The following ABCD3 variants were observed in gnomAD, a reference collection of about 807,000 sequenced individuals.
ABCD3 encodes ATP binding cassette subfamily D member 3.
ABCD3 carries 41 observed loss-of-function variants against 105.5 expected under a neutral mutation model. The observed-to-expected ratio is 0.39, with a 90% CI of 0.30 to 0.50. The LOEUF is 0.50. ABCD3 is among the 20% of genes least tolerant of loss of function. ABCD3 has a pLI of 0.84. For synonymous variants in ABCD3, 258 were observed against 269.0 expected (o/e 0.96, Z 0.40); for missense variants, 622 against 806.3 (o/e 0.77, Z 2.77).
At chr1:94,389,459 C>T in the ABCD3 span, among the ~76,000 whole-genome samples, 8 of 152,214 alleles carry the variant, frequency 5.3e-5, no homozygotes, top group African/African-American at 1.4e-4. Flanking sequence ...ATAGCATGAG[C>T]GATCTGTGCC....
chr1:94,385,442 C>T, the ABCD3 span, among the ~76,000 whole-genome samples: 1 of 152,154 alleles, frequency 6.6e-6, no homozygotes, highest in African/African-American at 2.4e-5. Flanking sequence ...AGAGAACACA[C>T]TTGATGTGGA....
intron 9 of ABCD3, 28 bp downstream of exon 9, chr1:94,480,634 T>TA (rs1313196188): frequency 6.2e-7 from 1 of 1,612,424 alleles, no homozygotes; most frequent in Non-Finnish European, 8.5e-7. Context: ...AAAGCCTTGC[T>TA]AAAAATTAAT....
the ABCD3 span, among the ~76,000 whole-genome samples, chr1:94,408,915 A>G: frequency 6.6e-6 from 1 of 152,206 alleles, no homozygotes; most frequent in Non-Finnish European, 1.5e-5. Context: ...AAACTGCAAT[A>G]AGACCCTGAT....
chr1:94,402,960 C>A, the ABCD3 span, among the ~76,000 whole-genome samples: 1 of 125,564 alleles, frequency 8.0e-6, no homozygotes, highest in East Asian at 2.8e-4. Context: ...CCCCTCCCCC[C>A]ACCCCACAAC....
In ABCD3 at chr1:94,487,761, T is replaced by C; in HGVS notation, c.1035T>C (p.His345=). ...RPFLDLSHPR[H]LKSTHSELLE... is the part of the protein sequence containing the mutation. ...TCTTAGATTTGTCTCATCCTCGACA[T>C]CTCAAGAGTACACATTCGGAACTTC... The change falls in exon 12 of 23, where the codon CAT becomes CAC. Residue 345 remains histidine, a synonymous_variant. Coordinates refer to ENST00000370214, the MANE Select transcript of ABCD3 (RefSeq NM_002858.4). 2 of 1,614,020 alleles carry C rather than the reference T, an allele frequency of 1.2e-6. No homozygotes were observed. The highest frequency in any genetic ancestry group is 1.1e-5 in the South Asian group (1 of 91,080).
rs751182032 is a variant in ABCD3 at position 94,498,953 on chromosome 1, C to T, written c.1539C>T (p.Tyr513=). ...GKLFYVPQRP[Y]MTLGTLRDQV... is the part of the protein sequence containing the mutation. ...TGCTCTACTACTGTCAGAGACCTTA[C>T]ATGACCCTTGGAACACTTCGAGATC... The change falls in exon 19 of 23, where the codon TAC becomes TAT. Residue 513 remains tyrosine, a synonymous_variant. Transcript: ENST00000370214. The T allele has an allele frequency of 6.2e-7, 1 of 1,613,904 alleles. No individual in the cohort carries two copies. The highest frequency in any genetic ancestry group is 1.7e-5 in the Admixed American group (1 of 59,990).
chr1:94,503,393 T>C lies in ABCD3; in HGVS notation c.1741-3145T>C, dbSNP rs151332446. Among the ~76,000 whole-genome samples, 1,382 of 152,284 alleles carry C rather than the reference T, an allele frequency of 9.1e-3. 19 individuals are homozygous for C. Among genetic ancestry groups the C allele is most frequent in the African/African-American group, 0.032 (1,310 of 41,556 alleles). On this transcript the variant is annotated intron_variant, in intron 20 of 22. Transcript: ENST00000370214. ...TCTGTCCTGACCTCCCTACTTCCGC[T>C]GTCTTGGAGGATATGTCATCCTTCT...
chr1:94,394,856 C>T, the ABCD3 span, among the ~76,000 whole-genome samples: 1 of 152,222 alleles, frequency 6.6e-6, no homozygotes, highest in Non-Finnish European at 1.5e-5. Context: ...GACCCTTCAA[C>T]TCTGCAGCAT....
intron 1 of ABCD3, among the ~76,000 whole-genome samples, chr1:94,445,310 T>TA (rs761114807): frequency 7.9e-5 from 12 of 152,060 alleles, no homozygotes; most frequent in Non-Finnish European, 1.6e-4. Context: ...GTGGCGCCCA[T>TA]ACATGGGGCT....
intron 1 of ABCD3, among the ~76,000 whole-genome samples, chr1:94,450,624 C>T (rs939585269): frequency 6.6e-6 from 1 of 152,234 alleles, no homozygotes; most frequent in Admixed American, 6.5e-5. Flanking sequence ...TTATCACTGG[C>T]TTGCTGTCAA....
intron 9 of ABCD3, chr1:94,481,908 G>A (rs915917160): frequency 6.6e-6 from 1 of 152,162 alleles, no homozygotes; most frequent in Non-Finnish European, 1.5e-5. Context: ...TAAAGCATTA[G>A]GGTACATGGA....
chr1:94,440,037 A>G lies in ABCD3; in HGVS notation c.111-18570A>G, dbSNP rs528718910. On this transcript the variant is annotated intron_variant, in intron 1 of 22. Transcript: ENST00000370214. ...GCACACACCACTGTGCCTGGCTAGC[A>G]TTGCTTCTTAATTTTTTCTGGATTA... Among the ~76,000 whole-genome samples the G allele has an allele frequency of 1.2e-3, 189 of 152,208 alleles. 1 individual carries two copies. The highest frequency in any genetic ancestry group is 1.6e-3 in the Non-Finnish European group (107 of 68,002).
chr1:94,508,474 T>G (rs1477895203), intron 21 of ABCD3, among the ~76,000 whole-genome samples: 117 of 151,648 alleles, frequency 7.7e-4, no homozygotes, highest in African/African-American at 2.6e-3. Flanking sequence ...TGGCGATGCG[T>G]GCTCTTTTTT....
rs77239619 is a variant in ABCD3 at position 94,498,598 on chromosome 1, T to C, written c.1387-4T>C. On this transcript the variant is annotated splice_polypyrimidine_tract_variant and splice_region_variant and intron_variant, in intron 16 of 22. Transcript: ENST00000370214. The stretch of plus-strand genomic sequence containing the variant: ...TCACAGACTGATTTTTTTTTTTTTT[T>C]CAGGTTCGATCTGGGGCTAATGTTC... 3.0e-5 allele frequency: 48 copies of C among 1,612,656 alleles called. No individual in the cohort carries two copies. The African/African-American group carries it at 3.8e-4, about 13-fold the overall frequency.
At chr1:94,437,656 A>G (rs1659956783) in intron 1 of ABCD3, among the ~76,000 whole-genome samples, 1 of 152,232 alleles carries the variant, frequency 6.6e-6, no homozygotes, top group Non-Finnish European at 1.5e-5. Context: ...CCATGGATTA[A>G]GGAGTAATTT....
chr1:94,462,898 A>G (rs1490535351), intron 2 of ABCD3, among the ~76,000 whole-genome samples: 3 of 152,178 alleles, frequency 2.0e-5, no homozygotes, highest in Admixed American at 6.5e-5. Flanking sequence ...GGTAGTTAAT[A>G]TGTATCACCT....
intron 1 of ABCD3, among the ~76,000 whole-genome samples, chr1:94,448,196 A>G (rs891272944): frequency 2.0e-5 from 3 of 152,188 alleles, no homozygotes; most frequent in Non-Finnish European, 4.4e-5. Context: ...AATTGCTACT[A>G]TGATAGGAAA....
At chr1:94,424,994 T>G (rs141741665) in intron 1 of ABCD3, among the ~76,000 whole-genome samples, 41 of 152,346 alleles carry the variant, frequency 2.7e-4, no homozygotes, top group South Asian at 2.3e-3. Flanking sequence ...TCTCATTTTT[T>G]GGGGGCTGTG....
chr1:94,499,760 A>G, intron 20 of ABCD3, 146 bp downstream of exon 20: 1 of 1,027,736 alleles, frequency 9.7e-7, no homozygotes, highest in Non-Finnish European at 1.4e-6. Flanking sequence ...GTGCTTGAAA[A>G]TCTTTAACTT....
Sources: gnomAD v4.1 joint callset for allele counts (sites outside exome capture counted in the v4.1 genomes callset) on GRCh38, gnomAD v4.1.1 for gene constraint, MANE v1.5 for transcripts, NCBI Gene and HGNC (gene_info 2026-07-23, HGNC 2026-07-21) for gene names.